DLG2: variants seen among roughly 807,000 people sequenced by gnomAD.
DLG2 encodes discs large MAGUK scaffold protein 2.
Under a neutral mutation model 132.5 loss-of-function variants are expected in DLG2, and 45 were observed. That is an observed-to-expected ratio of 0.34 (90% CI 0.27 to 0.44). The LOEUF is 0.44. Ranked by LOEUF, DLG2 falls within the 20% of genes least tolerant of loss-of-function variation. DLG2 has a pLI of 1.00. For synonymous variants in DLG2, 424 were observed against 419.6 expected, an observed-to-expected ratio of 1.01 and a Z score of -0.13; for missense variants, 1,045 against 1,196.9, an observed-to-expected ratio of 0.87 and a Z score of 1.87.
chr11:84,156,098 T>C (rs2095423022), intron 9 of DLG2, among the ~76,000 whole-genome samples: 1 of 152,114 alleles, frequency 6.6e-6, no homozygotes, highest in African/African-American at 2.4e-5. Flanking sequence ...ATATATGTGG[T>C]GTTTTGCAGG....
intron 3 of DLG2, among the ~76,000 whole-genome samples, chr11:85,498,335 G>A (rs1205037177): frequency 2.6e-5 from 4 of 152,160 alleles, no homozygotes; most frequent in African/African-American, 9.7e-5. Context: ...GACAAAGAAT[G>A]CCATTACATA....
chr11:83,483,690 TG>T (rs528754645), intron 22 of DLG2, among the ~76,000 whole-genome samples: 1 of 152,162 alleles, frequency 6.6e-6, no homozygotes, highest in African/African-American at 2.4e-5. Flanking sequence ...TTTAGTGTTT[TG>T]GGGGAGGGAA....
At chr11:83,802,071 T>C (rs867361164) in intron 17 of DLG2, among the ~76,000 whole-genome samples, 1 of 152,026 alleles carries the variant, frequency 6.6e-6, no homozygotes, top group Non-Finnish European at 1.5e-5. Context: ...CCAAGACTTT[T>C]TTTTTTTCTT....
At chr11:84,140,268 G>T (rs2094785411) in intron 9 of DLG2, among the ~76,000 whole-genome samples, 1 of 152,080 alleles carries the variant, frequency 6.6e-6, no homozygotes. Context: ...AAAATGAGGA[G>T]CATCATGTTT....
chr11:84,755,585 G>A (rs1258009478), intron 6 of DLG2, among the ~76,000 whole-genome samples: 4 of 152,128 alleles, frequency 2.6e-5, no homozygotes, highest in African/African-American at 4.8e-5. Context: ...CACCACGCCC[G>A]GCTAATTCTT....
intron 6 of DLG2, among the ~76,000 whole-genome samples, chr11:84,740,589 T>C (rs1487680307): frequency 6.6e-6 from 1 of 152,146 alleles, no homozygotes; most frequent in Non-Finnish European, 1.5e-5. Flanking sequence ...CAGTAGCTAC[T>C]GCACCTCTCC....
At chr11:83,852,424 C>G (rs2059935070) in intron 16 of DLG2, among the ~76,000 whole-genome samples, 1 of 152,094 alleles carries the variant, frequency 6.6e-6, no homozygotes, top group Non-Finnish European at 1.5e-5. Context: ...ATTCAAATGG[C>G]AAAGCTTTCC....
chr11:84,028,736 G>C (rs941848573), intron 11 of DLG2, among the ~76,000 whole-genome samples: 1 of 151,914 alleles, frequency 6.6e-6, no homozygotes, highest in Non-Finnish European at 1.5e-5. Context: ...TCTTGTCCCT[G>C]GAAAATCTCC....
rs185585572 is a variant in DLG2, at chr11:84,152,447, C to T, written c.624+11014G>A. Among the ~76,000 whole-genome samples, 492 of 150,244 alleles carry T rather than the reference C, an allele frequency of 3.3e-3. 4 individuals are homozygous for T. The highest frequency in any genetic ancestry group is 0.012 in the African/African-American group (475 of 40,798). On this transcript the variant is annotated intron_variant, in intron 9 of 27. Transcript: ENST00000376104. ...TGTTGCCCAGGCTGGAGTGCAGTGG[C>T]GCAATCTCGGCTCACTGCAAGCTCC...
At chr11:84,730,843 A>T (rs1023076834) in intron 6 of DLG2, among the ~76,000 whole-genome samples, 2 of 152,050 alleles carry the variant, frequency 1.3e-5, no homozygotes, top group Admixed American at 1.3e-4. Flanking sequence ...ATGATTACTC[A>T]ATGAAACAAT....
chr11:85,034,734 T>G (rs1035550227), intron 6 of DLG2, among the ~76,000 whole-genome samples: 1 of 152,160 alleles, frequency 6.6e-6, no homozygotes, highest in Non-Finnish European at 1.5e-5. Context: ...AGACTCTAGT[T>G]TCAGGGCGAT....
At chr11:85,611,683 A>G (rs2081009319) in intron 2 of DLG2, among the ~76,000 whole-genome samples, 1 of 152,280 alleles carries the variant, frequency 6.6e-6, no homozygotes, top group African/African-American at 2.4e-5. Flanking sequence ...ATAAATGTGT[A>G]TACAGATAGC....
chr11:85,382,912 A>G (rs981740521), intron 3 of DLG2, among the ~76,000 whole-genome samples: 7 of 152,132 alleles, frequency 4.6e-5, no homozygotes, highest in Admixed American at 3.9e-4. Context: ...TGGCTTTGGA[A>G]AAAGTTGTCA....
intron 17 of DLG2, among the ~76,000 whole-genome samples, chr11:83,825,883 T>C (rs1565224646): frequency 1.3e-5 from 2 of 152,166 alleles, no homozygotes; most frequent in South Asian, 4.1e-4. Context: ...ATTGTGTGGA[T>C]GGGTGCCAGG....
chr11:83,605,774 C>A (rs1306284257), intron 19 of DLG2, among the ~76,000 whole-genome samples: 4 of 152,144 alleles, frequency 2.6e-5, no homozygotes, highest in African/African-American at 9.7e-5. Context: ...ACAATACATG[C>A]AAGAGTACTT....
In DLG2 at chr11:84,467,030, AG is replaced by A. The variant is rs548654390; in HGVS notation, c.519+67539del. Among the ~76,000 whole-genome samples the A allele has an allele frequency of 7.0e-3, 1,059 of 151,404 alleles. 14 individuals carry two copies. Among genetic ancestry groups the A allele is most frequent in the African/African-American group, 0.023 (949 of 41,422 alleles). On this transcript the variant is annotated intron_variant, in intron 7 of 27. Transcript: ENST00000376104. ...AAATTTCCTATCTTTGCTCACTAAA[AG>A]GCCTAGGAATCAGTGATACCCCAAT...
intron 4 of DLG2, among the ~76,000 whole-genome samples, chr11:85,280,163 C>G (rs947947688): frequency 1.3e-5 from 2 of 151,814 alleles, no homozygotes; most frequent in African/African-American, 4.8e-5. Context: ...GTTTTTATCT[C>G]CATTTACTGA....
intron 6 of DLG2, among the ~76,000 whole-genome samples, chr11:84,749,607 G>T (rs183037040): frequency 1.2e-3 from 182 of 152,160 alleles, no homozygotes; most frequent in Non-Finnish European, 2.0e-3. Flanking sequence ...CACCATCTAG[G>T]CTTGTGTAAG....
chr11:84,447,663 TTTTATTTA>T (rs1029976765), intron 7 of DLG2, among the ~76,000 whole-genome samples: 4 of 151,968 alleles, frequency 2.6e-5, no homozygotes, highest in East Asian at 3.8e-4. Context: ...CTTTTCTAAG[TTTTATTTA>T]TTTATTTATT....
Sources: allele counts gnomAD v4.1 joint callset (sites outside exome capture counted in the v4.1 genomes callset), GRCh38; gene constraint gnomAD v4.1.1; transcripts MANE v1.5; gene names NCBI Gene and HGNC (gene_info 2026-07-23, HGNC 2026-07-21).